Variants in TTC7B observed in about 807,000 individuals in gnomAD.
TTC7B encodes the protein tetratricopeptide repeat domain 7B.
In TTC7B, 28 loss-of-function variants were observed where a neutral mutation model predicts 106.8. The ratio of observed to expected loss-of-function variants is 0.26; its 90% CI spans 0.19 to 0.36. The LOEUF is 0.36. Ranked by LOEUF, TTC7B falls within the 10% of genes least tolerant of loss-of-function variation. The pLI is 1.00. For missense variants in TTC7B, 862 were observed against 1,076.4 expected, an observed-to-expected ratio of 0.80 and a Z score of 2.79; for synonymous variants, 405 against 430.6, an observed-to-expected ratio of 0.94 and a Z score of 0.74.
intron 9 of TTC7B, among the ~76,000 whole-genome samples, chr14:90,672,420 A>G (rs986204929): frequency 3.9e-5 from 6 of 152,154 alleles, no homozygotes; most frequent in Admixed American, 6.5e-5. Flanking sequence ...CAGGCCCCAC[A>G]CTTTCTTTCC....
chr14:90,723,548 C>T (rs8004183), intron 5 of TTC7B, among the ~76,000 whole-genome samples: 13,948 of 152,142 alleles, frequency 0.092, 1,663 homozygotes, highest in African/African-American at 0.28. Context: ...AGCTCTTTCC[C>T]GGGTCAAGAC....
intron 5 of TTC7B, among the ~76,000 whole-genome samples, chr14:90,704,601 A>C (rs1888130733): frequency 6.6e-6 from 1 of 152,238 alleles, no homozygotes; most frequent in South Asian, 2.1e-4. Flanking sequence ...GAAGGCTCCC[A>C]GCGGCACAGG....
At chr14:90,756,648 G>A (rs1397867541) in intron 3 of TTC7B, among the ~76,000 whole-genome samples, 1 of 152,084 alleles carries the variant, frequency 6.6e-6, no homozygotes, top group African/African-American at 2.4e-5. Context: ...GCCTGCCTCG[G>A]CCTCCCAAAG....
chr14:90,555,451 A>C (rs367682499), intron 19 of TTC7B, among the ~76,000 whole-genome samples: 10 of 152,144 alleles, frequency 6.6e-5, no homozygotes, highest in African/African-American at 1.9e-4. Context: ...GGGTGACCTG[A>C]AGAATGGCTG....
chr14:90,738,543 G>A lies in TTC7B; in HGVS notation c.576+6249C>T, dbSNP rs190528505. 2.3e-3 allele frequency among the ~76,000 whole-genome samples: 346 copies of A among 152,044 alleles called. 6 individuals are homozygous for A. The highest frequency in any genetic ancestry group is 8.1e-3 in the African/African-American group (337 of 41,440). The stretch of plus-strand genomic sequence containing the variant: ...AATCACTTGAACCCGGGAGGCGGAG[G>A]TTGCAGTGTGCCAAGACTGCGCCAT... On this transcript the variant is annotated intron_variant, in intron 4 of 19. Coordinates refer to ENST00000328459, the MANE Select transcript of TTC7B (RefSeq NM_001010854.2).
At chr14:90,594,348 C>A (rs558057752) in intron 17 of TTC7B, among the ~76,000 whole-genome samples, 2 of 152,174 alleles carry the variant, frequency 1.3e-5, no homozygotes, top group South Asian at 4.2e-4. Context: ...GAGGGGTCAA[C>A]CAAGCATGTT....
At chr14:90,712,235 A>T (rs1254173378) in intron 5 of TTC7B, among the ~76,000 whole-genome samples, 1 of 152,218 alleles carries the variant, frequency 6.6e-6, no homozygotes, top group African/African-American at 2.4e-5. Context: ...CAGGAATACA[A>T]TAAGGATGTC....
chr14:90,544,550 C>T (rs530673351), intron 19 of TTC7B, among the ~76,000 whole-genome samples: 22 of 152,322 alleles, frequency 1.4e-4, no homozygotes, highest in South Asian at 2.1e-4. Context: ...TCCACATTCT[C>T]GCTTCCCAAC....
At chr14:90,589,364 G>T (rs1339425590) in intron 18 of TTC7B, among the ~76,000 whole-genome samples, 4 of 152,140 alleles carry the variant, frequency 2.6e-5, no homozygotes, top group Non-Finnish European at 4.4e-5. Flanking sequence ...AATGGTGCAG[G>T]ATTTGCACAT....
At chr14:90,558,187 G>C (rs1184761924) in intron 19 of TTC7B, among the ~76,000 whole-genome samples, 3 of 152,262 alleles carry the variant, frequency 2.0e-5, no homozygotes, top group Admixed American at 2.0e-4. Context: ...GCCTGGCATG[G>C]CTGCCTGGGT....
chr14:90,561,497 G>C (rs1335689001), intron 19 of TTC7B, among the ~76,000 whole-genome samples: 1 of 152,204 alleles, frequency 6.6e-6, no homozygotes, highest in Admixed American at 6.5e-5. Flanking sequence ...TGAGAACCAA[G>C]GTGCGGCATT....
rs1382529809 is a variant in TTC7B at position 90,577,283 on chromosome 14, G to A, written c.2310+823C>T. Among the ~76,000 whole-genome samples, 2 of 152,242 alleles carry A rather than the reference G, an allele frequency of 1.3e-5. No individual in the cohort carries two copies. Among genetic ancestry groups the A allele is most frequent in the South Asian group, 2.1e-4 (1 of 4,836 alleles). ...CTCCTCAGACCCTGGTAACTTGTGAGTTTCAATTCAGACCCTCGCAGGAAG... is the reference window on the plus strand; with the variant it reads ...CTCCTCAGACCCTGGTAACTTGTGAATTTCAATTCAGACCCTCGCAGGAAG... On this transcript the variant is annotated intron_variant, in intron 19 of 19. Coordinates refer to ENST00000328459, the MANE Select transcript of TTC7B (RefSeq NM_001010854.2). This position sits in a 1 kb window ranked among gnomAD's most constrained non-coding sequence, Gnocchi z 5.0.
intron 5 of TTC7B, among the ~76,000 whole-genome samples, chr14:90,710,057 A>G (rs10131743): frequency 0.033 from 2,127 of 64,408 alleles, 56 homozygotes; most frequent in African/African-American, 0.1. Context: ...TTTCTACTTG[A>G]AAAAAAAAAA....
chr14:90,624,114 G>A lies in TTC7B; in HGVS notation c.1752-6069C>T, dbSNP rs574848628. Among the ~76,000 whole-genome samples the A allele has an allele frequency of 2.4e-4, 37 of 151,612 alleles. No individual in the cohort carries two copies. Among genetic ancestry groups the A allele is most frequent in the Non-Finnish European group, 4.1e-4 (28 of 67,504 alleles). On this transcript the variant is annotated intron_variant, in intron 15 of 19. Coordinates refer to ENST00000328459, the MANE Select transcript of TTC7B (RefSeq NM_001010854.2). The surrounding 1 kb of genome is among the most constrained non-coding windows in gnomAD (Gnocchi z 4.0). ...TATATGTGTGCATGTGTGTGTGCGC[G>A]TGCGCGTGTGTGTGTTTTGTGACTT...
intron 19 of TTC7B, among the ~76,000 whole-genome samples, chr14:90,545,273 C>T (rs1889779048): frequency 6.6e-6 from 1 of 152,226 alleles, no homozygotes; most frequent in South Asian, 2.1e-4. Flanking sequence ...GGCCCCAGGG[C>T]ACTCAGGCAA....
rs965585484 is a variant in TTC7B, at chr14:90,742,307, C to CCTTTCT, written c.576+2479_576+2484dup. Among the ~76,000 whole-genome samples, 2 of 151,522 alleles carry CCTTTCT rather than the reference C, an allele frequency of 1.3e-5. No homozygotes were observed. Among genetic ancestry groups the CCTTTCT allele is most frequent in the Non-Finnish European group, 2.9e-5 (2 of 67,884 alleles). Reference sequence around the variant, plus strand: ...TCCTTCCCTCCCTTCCTCCCTCCCTCCTTTCTCTTTCTCTTTCTCTCTCTC... The same window carrying CCTTTCT: ...TCCTTCCCTCCCTTCCTCCCTCCCTCCTTTCTCTTTCTCTTTCTCTTTCTCTCTCTC... On this transcript the variant is annotated intron_variant, in intron 4 of 19. Coordinates refer to ENST00000328459, the MANE Select transcript of TTC7B (RefSeq NM_001010854.2). This position sits in a 1 kb window ranked among gnomAD's most constrained non-coding sequence, Gnocchi z 4.1.
chr14:90,658,723 G>A (rs1406987350), intron 9 of TTC7B, among the ~76,000 whole-genome samples: 5 of 152,228 alleles, frequency 3.3e-5, no homozygotes, highest in Non-Finnish European at 5.9e-5. Context: ...AAACAGGACT[G>A]TGGTGAGGTG....
Position 90,744,778 on chromosome 14 carries a change from T to G in TTC7B, c.576+14A>C. The G allele has an allele frequency of 6.2e-7, 1 of 1,608,204 alleles. No homozygotes were observed. The highest frequency in any genetic ancestry group is 8.5e-7 in the Non-Finnish European group (1 of 1,178,516). ...GAAAAAGTTATCAGGAACAAACACG[T>G]GGTCCTCACTTACCCTTTCTATCTC... On this transcript the variant is annotated intron_variant, in intron 4 of 19. Coordinates refer to ENST00000328459, the MANE Select transcript of TTC7B (RefSeq NM_001010854.2).
chr14:90,674,432 T>A (rs1299727709), intron 9 of TTC7B, among the ~76,000 whole-genome samples: 1 of 152,218 alleles, frequency 6.6e-6, no homozygotes, highest in Non-Finnish European at 1.5e-5. Flanking sequence ...CTCGCTCCAA[T>A]TGCCTAAGTG....
Sources: allele counts gnomAD v4.1 joint callset (sites outside exome capture counted in the v4.1 genomes callset), GRCh38; gene constraint gnomAD v4.1.1; non-coding constraint Gnocchi (gnomAD v3.1); transcripts MANE v1.5; gene names NCBI Gene and HGNC (gene_info 2026-07-23, HGNC 2026-07-21).